Variants in ATG5 observed in about 807,000 individuals in gnomAD.
The protein encoded by ATG5 is autophagy protein 5.
A neutral mutation model predicts 36.5 loss-of-function variants in ATG5; 14 were observed. The observed-to-expected ratio is 0.38, with a 90% CI of 0.25 to 0.60. The LOEUF is 0.60. Among genes scored for constraint, ATG5 ranks in the 20% least tolerant of loss-of-function variants. The probability of loss-of-function intolerance (pLI) is 0.60; values close to 1 mark genes in which losing one functional copy is unlikely to be tolerated. For synonymous variants in ATG5, 95 were observed against 101.5 expected (o/e 0.94, Z 0.38); for missense variants, 195 against 326.7 (o/e 0.60, Z 3.11).
At chr6:106,247,534 C>A (rs1165426021) in intron 6 of ATG5, among the ~76,000 whole-genome samples, 1 of 152,152 alleles carries the variant, frequency 6.6e-6, no homozygotes, top group Non-Finnish European at 1.5e-5. Flanking sequence ...TATAAGGTTA[C>A]CACAAACACT....
intron 2 of ATG5, among the ~76,000 whole-genome samples, chr6:106,311,996 A>C (rs1770663372): frequency 6.6e-6 from 1 of 151,962 alleles, no homozygotes; most frequent in South Asian, 2.1e-4. Flanking sequence ...ACACCGGGCT[A>C]ATTTTTTGTA....
At chr6:106,275,237 T>C (rs1779596128) in intron 5 of ATG5, among the ~76,000 whole-genome samples, 1 of 152,226 alleles carries the variant, frequency 6.6e-6, no homozygotes, top group Non-Finnish European at 1.5e-5. Flanking sequence ...TTTACATTAA[T>C]TAACATTCAG....
chr6:106,268,989 A>G (rs577276861), intron 5 of ATG5, among the ~76,000 whole-genome samples: 5 of 152,352 alleles, frequency 3.3e-5, no homozygotes, highest in African/African-American at 9.6e-5. Flanking sequence ...TGGCACATGC[A>G]TACCTATGTA....
chr6:106,282,809 G>C (rs943154795), intron 4 of ATG5, among the ~76,000 whole-genome samples: 1 of 151,822 alleles, frequency 6.6e-6, no homozygotes, highest in Admixed American at 6.6e-5. Context: ...TTTATTTTGA[G>C]AGGGTCTCAC....
intron 7 of ATG5, among the ~76,000 whole-genome samples, chr6:106,190,182 A>G (rs905660117): frequency 6.6e-6 from 1 of 152,204 alleles, no homozygotes; most frequent in Non-Finnish European, 1.5e-5. Flanking sequence ...CTGTGATGCT[A>G]TAATTGGATA....
At chr6:106,302,248 A>G (rs769250707) in intron 3 of ATG5, among the ~76,000 whole-genome samples, 2 of 152,124 alleles carry the variant, frequency 1.3e-5, no homozygotes, top group African/African-American at 2.4e-5. Context: ...TTAGATGAGC[A>G]AAGAAACGGA....
intron 6 of ATG5, among the ~76,000 whole-genome samples, chr6:106,245,580 C>T (rs1440520656): frequency 6.6e-6 from 1 of 152,144 alleles, no homozygotes; most frequent in African/African-American, 2.4e-5. Context: ...GGTTTTGAGG[C>T]TTCAACAAGA....
chr6:106,190,333 T>A (rs567159744), intron 7 of ATG5, among the ~76,000 whole-genome samples: 9 of 152,276 alleles, frequency 5.9e-5, no homozygotes, highest in Non-Finnish European at 8.8e-5. Context: ...GAACCCACTC[T>A]TGCAAATCCT....
intron 7 of ATG5, among the ~76,000 whole-genome samples, chr6:106,196,389 GGAGA>G (rs1298570320): frequency 6.6e-6 from 1 of 152,188 alleles, no homozygotes; most frequent in Admixed American, 6.6e-5. Flanking sequence ...AAGACCACCA[GGAGA>G]TGGAGACCTG....
At chr6:106,233,994 C>T (rs548246393) in intron 6 of ATG5, among the ~76,000 whole-genome samples, 2 of 152,270 alleles carry the variant, frequency 1.3e-5, no homozygotes, top group East Asian at 3.9e-4. Context: ...TATAACTCTG[C>T]CACTCTTTGC....
At chr6:106,237,727 G>A (rs571765164) in intron 6 of ATG5, among the ~76,000 whole-genome samples, 2 of 152,258 alleles carry the variant, frequency 1.3e-5, no homozygotes, top group South Asian at 2.1e-4. Context: ...TCCATAAAAT[G>A]TATGATATGA....
chr6:106,320,032 A>AC (rs1009315580), intron 1 of ATG5, among the ~76,000 whole-genome samples: 49 of 152,376 alleles, frequency 3.2e-4, no homozygotes, highest in Middle Eastern at 3.4e-3. Flanking sequence ...TGTGATACAC[A>AC]CAAGCCTATA....
intron 5 of ATG5, among the ~76,000 whole-genome samples, chr6:106,256,664 T>G (rs547596109): frequency 6.0e-4 from 92 of 152,242 alleles, no homozygotes; most frequent in African/African-American, 2.2e-3. Context: ...GCTATAAACC[T>G]ATATGGTATG....
At chr6:106,194,406 T>C (rs1044936667) in intron 7 of ATG5, among the ~76,000 whole-genome samples, 1 of 152,232 alleles carries the variant, frequency 6.6e-6, no homozygotes, top group Non-Finnish European at 1.5e-5. Flanking sequence ...ATGAGATTTA[T>C]ATGTTTCTTT....
chr6:106,323,145 G>GCCA (rs1295321489), intron 1 of ATG5, among the ~76,000 whole-genome samples: 1 of 151,864 alleles, frequency 6.6e-6, no homozygotes, highest in African/African-American at 2.4e-5. Context: ...CACCGTGTTA[G>GCCA]CCAGGATGGT....
At chr6:106,271,204 T>G (rs1265593938) in intron 5 of ATG5, among the ~76,000 whole-genome samples, 1 of 152,198 alleles carries the variant, frequency 6.6e-6, no homozygotes, top group Non-Finnish European at 1.5e-5. Context: ...TCCTCCTCAG[T>G]CACTACACCT....
chr6:106,262,782 G>C (rs1779078064), intron 5 of ATG5, among the ~76,000 whole-genome samples: 1 of 152,188 alleles, frequency 6.6e-6, no homozygotes, highest in Admixed American at 6.5e-5. Context: ...CCCCAGCCAA[G>C]GGAAGCCATG....
intron 5 of ATG5, among the ~76,000 whole-genome samples, chr6:106,258,619 T>G (rs114425480): frequency 8.1e-4 from 123 of 152,346 alleles, no homozygotes; most frequent in African/African-American, 2.7e-3. Context: ...AGCAGCTACA[T>G]GACATGCCCA....
chr6:106,264,367 G>A lies in ATG5; in HGVS notation c.478+15294C>T, dbSNP rs915479177. Reference sequence around the variant, plus strand: ...ATGTGAAAAGACCAAACTTACAATCGGTGTACCTGAAAATGATGGGGAAAA... The same window carrying A: ...ATGTGAAAAGACCAAACTTACAATCAGTGTACCTGAAAATGATGGGGAAAA... On this transcript the variant is annotated intron_variant, in intron 5 of 7. Coordinates refer to ENST00000369076, the MANE Select transcript of ATG5 (RefSeq NM_004849.4). Among the ~76,000 whole-genome samples the A allele has an allele frequency of 3.3e-5, 5 of 152,040 alleles. No individual in the cohort carries two copies. In the South Asian group the frequency reaches 6.2e-4, roughly 19 times the overall value.
Sources: gnomAD v4.1 joint callset for allele counts (sites outside exome capture counted in the v4.1 genomes callset) on GRCh38, gnomAD v4.1.1 for gene constraint, MANE v1.5 for transcripts, NCBI Gene and HGNC (gene_info 2026-07-23, HGNC 2026-07-21) for gene names.